Variants in CCDC7 observed in about 807,000 individuals in gnomAD.
CCDC7 encodes coiled-coil domain-containing protein 7.
Under a neutral mutation model 196.9 loss-of-function variants are expected in CCDC7, and 183 were observed. That is an observed-to-expected ratio of 0.93 (90% confidence interval 0.82 to 1.05). CCDC7 has a LOEUF of 1.05. Among genes scored for constraint, CCDC7 ranks in the 50% least tolerant of loss-of-function variants. The pLI is 0.00. For synonymous variants in CCDC7, 525 were observed against 484.6 expected, an observed-to-expected ratio of 1.08 and a Z score of -1.10; for missense variants, 1,540 against 1,482.2, an observed-to-expected ratio of 1.04 and a Z score of -0.64.
chr10:32,824,573 T>G (rs1336170404), exon 32 of CCDC7: 1 of 1,611,842 alleles, frequency 6.2e-7, no homozygotes, highest in Non-Finnish European at 8.5e-7. Flanking sequence ...ATGATGCAAT[T>G]AAGACGCAGT....
intron 11 of CCDC7, among the ~76,000 whole-genome samples, chr10:32,521,529 T>G (rs2047878584): frequency 6.6e-6 from 1 of 152,134 alleles, no homozygotes; most frequent in Non-Finnish European, 1.5e-5. Flanking sequence ...TACTGATTTT[T>G]GTATTTTGAT....
chr10:32,558,213 G>C (rs962413251), intron 13 of CCDC7, among the ~76,000 whole-genome samples: 2 of 151,698 alleles, frequency 1.3e-5, no homozygotes, highest in Non-Finnish European at 2.9e-5. Context: ...ATTATATCCT[G>C]GCTATTATGA....
intron 21 of CCDC7, among the ~76,000 whole-genome samples, chr10:32,669,029 GC>G (rs1163295703): frequency 6.6e-6 from 1 of 152,078 alleles, no homozygotes; most frequent in African/African-American, 2.4e-5. Flanking sequence ...GTTAGCTGTG[GC>G]TTGTTTGTTG....
intron 3 of CCDC7, among the ~76,000 whole-genome samples, chr10:32,459,597 A>C (rs973173394): frequency 6.8e-6 from 1 of 146,340 alleles, no homozygotes. Context: ...ACTGTTTTTC[A>C]GAGTTCTAAC....
chr10:32,614,240 T>C (rs1303680012), intron 18 of CCDC7, among the ~76,000 whole-genome samples: 3 of 150,834 alleles, frequency 2.0e-5, no homozygotes, highest in African/African-American at 7.5e-5. Flanking sequence ...CCTGGTTTTT[T>C]TTTTCTTTTC....
Position 32,845,594 on chromosome 10 carries a change from A to T in CCDC7, c.3488A>T (p.Glu1163Val), listed in dbSNP as rs754765857. 10 of 1,612,630 alleles carry T rather than the reference A, an allele frequency of 6.2e-6. No homozygotes were observed. In the Admixed American group the frequency reaches 1.7e-4, roughly 27 times the overall value. ...GCTACTGGAAGAGGTCTAATGAAGG[A>T]GTCAACCACGACACAATTAAAAAGT... is the stretch of plus-strand genomic sequence containing the variant. The change falls in exon 35 of 42, where the codon GAG (glutamate) becomes GTG (valine). Residue 1163 changes from glutamate (E) to valine (V), a missense_variant. Physicochemically the swap from Glu to Val is moderately radical, Grantham distance 121 (BLOSUM62 -2). Coordinates refer to ENST00000639629, the Ensembl canonical transcript of CCDC7.
At chr10:32,488,941 G>T (rs1339853647) in intron 8 of CCDC7, among the ~76,000 whole-genome samples, 1 of 152,198 alleles carries the variant, frequency 6.6e-6, no homozygotes, top group Non-Finnish European at 1.5e-5. Context: ...TAGTGTTCAT[G>T]TAGCTTTTTC....
At chr10:32,625,966 T>C (rs1218510118) in intron 18 of CCDC7, among the ~76,000 whole-genome samples, 1 of 152,112 alleles carries the variant, frequency 6.6e-6, no homozygotes, top group African/African-American at 2.4e-5. Context: ...TATCCATTCA[T>C]CCATTGATAA....
At chr10:32,601,473 G>T (rs530697744) in intron 18 of CCDC7, among the ~76,000 whole-genome samples, 5 of 152,294 alleles carry the variant, frequency 3.3e-5, no homozygotes, top group African/African-American at 1.2e-4. Context: ...TTTGGCTTGT[G>T]TTTTACGTTT....
intron 13 of CCDC7, among the ~76,000 whole-genome samples, chr10:32,560,279 C>T (rs149825277): frequency 0.082 from 12,511 of 152,176 alleles, 532 homozygotes; most frequent in East Asian, 0.16. Context: ...CTTCCCCAAT[C>T]TAGCAAGGCA....
chr10:32,717,945 A>C (rs1222920479), intron 25 of CCDC7, among the ~76,000 whole-genome samples: 1 of 151,486 alleles, frequency 6.6e-6, no homozygotes, highest in East Asian at 1.9e-4. Context: ...GCTAAATTCT[A>C]CCAGAGGTAT....
At chr10:32,693,494 C>A (rs1047294153) in intron 23 of CCDC7, among the ~76,000 whole-genome samples, 5 of 152,038 alleles carry the variant, frequency 3.3e-5, no homozygotes, top group Admixed American at 1.3e-4. Flanking sequence ...TCTTTGAAAT[C>A]CCTTCAGGTC....
chr10:32,529,998 A>AT (rs1237262006), intron 11 of CCDC7, among the ~76,000 whole-genome samples: 1 of 152,140 alleles, frequency 6.6e-6, no homozygotes, highest in African/African-American at 2.4e-5. Flanking sequence ...AGGCTTGCCA[A>AT]TTATCCCAGC....
intron 28 of CCDC7, among the ~76,000 whole-genome samples, chr10:32,732,875 A>T (rs1228359509): frequency 6.6e-6 from 1 of 152,068 alleles, no homozygotes; most frequent in African/African-American, 2.4e-5. Flanking sequence ...ATTTTTCACC[A>T]TTGTACTTTC....
At chr10:32,703,438 GC>G (rs1336409368) in intron 24 of CCDC7, among the ~76,000 whole-genome samples, 2 of 151,958 alleles carry the variant, frequency 1.3e-5, no homozygotes, top group Non-Finnish European at 2.9e-5. Flanking sequence ...CTTTCTGGCT[GC>G]CCTTAATATT....
intron 11 of CCDC7, among the ~76,000 whole-genome samples, chr10:32,538,396 T>C (rs1208126497): frequency 1.3e-5 from 2 of 152,186 alleles, no homozygotes; most frequent in African/African-American, 4.8e-5. Context: ...GCCAAGCCTA[T>C]GGAGTTTTCT....
intron 41 of CCDC7, 33 bp downstream of exon 42, chr10:32,854,522 A>G (rs2093677982): frequency 7.8e-7 from 1 of 1,285,826 alleles, no homozygotes; most frequent in Non-Finnish European, 1.1e-6. Context: ...GACATATGAA[A>G]TAAAACTTTA....
At chr10:32,828,669 C>T (rs925318540) in intron 32 of CCDC7, among the ~76,000 whole-genome samples, 1 of 152,130 alleles carries the variant, frequency 6.6e-6, no homozygotes, top group African/African-American at 2.4e-5. Context: ...GTCACAATTA[C>T]AATGCCAACT....
chr10:32,762,668 A>G (rs1209056127), intron 28 of CCDC7, among the ~76,000 whole-genome samples: 2 of 151,806 alleles, frequency 1.3e-5, no homozygotes, highest in African/African-American at 4.8e-5. Context: ...AAACAGATGT[A>G]CAAACTGATG....
Sources: allele counts gnomAD v4.1 joint callset (sites outside exome capture counted in the v4.1 genomes callset), GRCh38; gene constraint gnomAD v4.1.1; transcripts MANE v1.5; gene names NCBI Gene and HGNC (gene_info 2026-07-23, HGNC 2026-07-21).